Variants in TMEM245 observed in about 807,000 individuals in gnomAD.
The protein encoded by TMEM245 is transmembrane protein 245.
Under a neutral mutation model 101.2 loss-of-function variants are expected in TMEM245, and 69 were observed. That is an observed-to-expected ratio of 0.68 (90% CI 0.56 to 0.83). The LOEUF (loss-of-function observed/expected upper bound fraction) is 0.83. Among genes scored for constraint, TMEM245 ranks in the 40% least tolerant of loss-of-function variants. TMEM245 has a pLI of 0.00. For missense variants in TMEM245, 1,075 were observed against 1,092.8 expected (o/e 0.98, Z 0.23); for synonymous variants, 537 against 449.8 (o/e 1.19, Z -2.45).
At position 109,018,064 on chromosome 9, in the gene TMEM245, C is replaced by T. The variant is rs1266976462; in HGVS notation, c.*2396G>A. 1 of 152,172 alleles carries T rather than the reference C, an allele frequency of 6.6e-6. No homozygotes were observed. Among genetic ancestry groups the T allele is most frequent in the Non-Finnish European group, 1.5e-5 (1 of 68,030 alleles). 9.4% of individuals were successfully genotyped at this position (152,172 alleles called of 1,614,324 possible). The stretch of plus-strand genomic sequence containing the variant: ...AATTTTGGTAGCTCTAAAGTATTCT[C>T]TTAAAGACCTCTAAGAACCTGATAT... On this transcript the variant is annotated 3_prime_UTR_variant, in exon 18 of 18. Coordinates refer to ENST00000374586, the MANE Select transcript of TMEM245 (RefSeq NM_032012.4).
At chr9:109,040,981 G>T (rs913533836) in intron 14 of TMEM245, among the ~76,000 whole-genome samples, 15 of 152,158 alleles carry the variant, frequency 9.9e-5, no homozygotes, top group Non-Finnish European at 2.1e-4. Context: ...GGGTCATACG[G>T]TATCTATTTA....
chr9:109,031,267 C>T (rs1827936857), intron 17 of TMEM245, among the ~76,000 whole-genome samples: 1 of 152,106 alleles, frequency 6.6e-6, no homozygotes, highest in Non-Finnish European at 1.5e-5. Context: ...AAGACATGTA[C>T]AAAAACGTTC....
At position 109,036,239 on chromosome 9, in the gene TMEM245, A is replaced by T. The variant is rs1253441329; in HGVS notation, c.2366T>A (p.Phe789Tyr). 6.2e-7 allele frequency: 1 copy of T among 1,613,252 alleles called. No individual in the cohort carries two copies. Among genetic ancestry groups the T allele is most frequent in the Non-Finnish European group, 8.5e-7 (1 of 1,179,888 alleles). The change falls in exon 16 of 18, where the codon TTT becomes TAT. Residue 789 changes from phenylalanine (F) to tyrosine (Y), a missense_variant. Phe to Tyr is a conservative substitution (Grantham distance 22). Coordinates refer to ENST00000374586, the MANE Select transcript of TMEM245 (RefSeq NM_032012.4). ...LLIFHLLPTY[F>Y]VDTAIYSDIS... is the part of the protein sequence containing the mutation. ...GTCAGAGTAGATTGCAGTATCTACAAAGTATGTTGGCAAGAGATGAAAAAT... is the reference window on the plus strand; with the variant it reads ...GTCAGAGTAGATTGCAGTATCTACATAGTATGTTGGCAAGAGATGAAAAAT...
intron 14 of TMEM245, among the ~76,000 whole-genome samples, chr9:109,044,541 G>A (rs1828416638): frequency 6.6e-6 from 1 of 152,036 alleles, no homozygotes; most frequent in Non-Finnish European, 1.5e-5. Context: ...TAGCCTCACT[G>A]CAATATGGTA....
At chr9:109,074,641 G>A (rs989353594) in intron 8 of TMEM245, among the ~76,000 whole-genome samples, 8 of 148,896 alleles carry the variant, frequency 5.4e-5, no homozygotes, top group African/African-American at 1.7e-4. Flanking sequence ...GGAATTGAGT[G>A]AGACAGTACA....
At chr9:109,100,236 T>C (rs977157948) in intron 3 of TMEM245, among the ~76,000 whole-genome samples, 2 of 152,210 alleles carry the variant, frequency 1.3e-5, no homozygotes, top group Non-Finnish European at 2.9e-5. Context: ...CAATACTTTT[T>C]CAGGATGACT....
Position 109,119,462 on chromosome 9 carries a change from A to G in TMEM245, c.452T>C (p.Leu151Pro), listed in dbSNP as rs778112937. 26 of 1,496,788 alleles carry G rather than the reference A, an allele frequency of 1.7e-5. No homozygotes were observed. The South Asian group carries it at 3.2e-4, about 18-fold the overall frequency. 92.7% of individuals were successfully genotyped at this position (1,496,788 alleles called of 1,614,324 possible). A position where few individuals can be genotyped will look rare whatever the true frequency, so the allele number is the denominator to read the frequency against. The part of the protein sequence containing the change: ...QALRRRRLLL[L>P]LGAGGPLLYG... The stretch of plus-strand genomic sequence containing the variant: ...CAGGAGCGGGCCGCCGGCGCCGAGC[A>G]GCAGGAGCAGGCGGCGGCGGCGCAG... Residue 151 changes from leucine to proline, a missense_variant, in exon 1 of 18, where the codon CTG becomes CCG. Coordinates refer to ENST00000374586, the MANE Select transcript of TMEM245 (RefSeq NM_032012.4).
chr9:109,089,538 G>GT (rs1189743909), intron 5 of TMEM245, among the ~76,000 whole-genome samples: 2 of 152,124 alleles, frequency 1.3e-5, no homozygotes, highest in Admixed American at 1.3e-4. Context: ...AATGTAGAAG[G>GT]TACTCAGAAG....
Position 109,093,566 on chromosome 9 carries a change from G to T in TMEM245, c.825C>A (p.Ile275=). The change falls in exon 4 of 18, where the codon ATC becomes ATA. Residue 275 remains isoleucine, a synonymous_variant. Transcript: ENST00000374586. ...TTGCCAGAGTAGAAGCTGCCATGGAGATAACCTGCCCTGGTAACTCTGCCC... is the reference window on the plus strand; with the variant it reads ...TTGCCAGAGTAGAAGCTGCCATGGATATAACCTGCCCTGGTAACTCTGCCC... ...SSGAELPGQV[I]SMAASTLANL... 6.2e-7 allele frequency: 1 copy of T among 1,614,102 alleles called. No homozygotes were observed. Among genetic ancestry groups the T allele is most frequent in the Non-Finnish European group, 8.5e-7 (1 of 1,179,984 alleles).
intron 3 of TMEM245, among the ~76,000 whole-genome samples, chr9:109,097,188 C>T (rs1404253325): frequency 6.6e-6 from 1 of 152,214 alleles, no homozygotes; most frequent in Admixed American, 6.5e-5. Flanking sequence ...CAGAACAGTT[C>T]TATCTTGGAG....
chr9:109,064,608 C>A (rs1458292724), intron 9 of TMEM245, 41 bp from the exon 10 acceptor site: 2 of 1,541,700 alleles, frequency 1.3e-6, no homozygotes, highest in Non-Finnish European at 1.8e-6. Context: ...AGTACACTTT[C>A]TGTGTAGTGT....
At chr9:109,022,347 T>C (rs1437232505) in intron 17 of TMEM245, among the ~76,000 whole-genome samples, 1 of 152,218 alleles carries the variant, frequency 6.6e-6, no homozygotes, top group Admixed American at 6.5e-5. Context: ...ACACCAACCA[T>C]TTTTAAAGAT....
At chr9:109,072,861 A>G (rs1829375807) in intron 9 of TMEM245, among the ~76,000 whole-genome samples, 1 of 152,226 alleles carries the variant, frequency 6.6e-6, no homozygotes, top group African/African-American at 2.4e-5. Flanking sequence ...TAAATAACAT[A>G]AATTTAAAAA....
At chr9:109,086,399 C>T (rs2132546224) in intron 6 of TMEM245, among the ~76,000 whole-genome samples, 1 of 152,242 alleles carries the variant, frequency 6.6e-6, no homozygotes, top group South Asian at 2.1e-4. Flanking sequence ...TCCAGTATCA[C>T]TTCCTCTGCT....
chr9:109,050,205 A>C, intron 14 of TMEM245, 78 bp downstream of exon 14: 1 of 1,531,434 alleles, frequency 6.5e-7, no homozygotes, highest in East Asian at 2.3e-5. Flanking sequence ...TGTTATCAGG[A>C]TGCTCATGAC....
At chr9:109,067,468 G>A (rs556116334) in intron 9 of TMEM245, among the ~76,000 whole-genome samples, 4 of 152,222 alleles carry the variant, frequency 2.6e-5, no homozygotes, top group Non-Finnish European at 4.4e-5. Context: ...CACCTTCCTG[G>A]GTAAAGGTTA....
At chr9:109,067,145 C>T (rs1829195846) in intron 9 of TMEM245, among the ~76,000 whole-genome samples, 1 of 151,498 alleles carries the variant, frequency 6.6e-6, no homozygotes, top group African/African-American at 2.4e-5. Flanking sequence ...CCTGGGAAAA[C>T]GTCTTATTGG....
intron 3 of TMEM245, among the ~76,000 whole-genome samples, chr9:109,097,018 G>C (rs17551561): frequency 1.3e-5 from 2 of 152,202 alleles, no homozygotes; most frequent in Non-Finnish European, 2.9e-5. Flanking sequence ...TGATACTTAA[G>C]AGCTAATGTA....
chr9:109,076,846 A>G (rs1464029015), intron 8 of TMEM245, among the ~76,000 whole-genome samples: 1 of 152,158 alleles, frequency 6.6e-6, no homozygotes, highest in East Asian at 1.9e-4. Context: ...ATGCATCACA[A>G]TGCCCAGCTA....
Sources: allele counts gnomAD v4.1 joint callset (sites outside exome capture counted in the v4.1 genomes callset), GRCh38; gene constraint gnomAD v4.1.1; transcripts MANE v1.5; gene names NCBI Gene and HGNC (gene_info 2026-07-23, HGNC 2026-07-21).